The following MAP3K1 variants were observed in gnomAD, a reference collection of about 807,000 sequenced individuals.
MAP3K1 encodes mitogen-activated protein kinase kinase kinase 1.
In MAP3K1, 36 loss-of-function variants were observed where a neutral mutation model predicts 144.2. That is an observed-to-expected ratio of 0.25 (90% confidence interval 0.19 to 0.33). The LOEUF is 0.33. Ranked by LOEUF, MAP3K1 falls within the 10% of genes least tolerant of loss-of-function variation. The pLI, the probability that MAP3K1 is intolerant of heterozygous loss-of-function variation, is 1.00. For synonymous variants in MAP3K1, 718 were observed against 688.7 expected, an observed-to-expected ratio of 1.04 and a Z score of -0.67; for missense variants, 1,650 against 1,881.9, an observed-to-expected ratio of 0.88 and a Z score of 2.28.
At chr5:56,872,802 A>T in intron 8 of MAP3K1, 23 bp from the exon 9 acceptor site, 2 of 1,613,710 alleles carry the variant, frequency 1.2e-6, no homozygotes, top group Non-Finnish European at 1.7e-6. Context: ...TTTTAAAGCA[A>T]GTTTTGTTAT....
At chr5:56,835,169 TAGAA>T (rs1012600995) in intron 1 of MAP3K1, among the ~76,000 whole-genome samples, 17 of 152,070 alleles carry the variant, frequency 1.1e-4, no homozygotes, top group African/African-American at 4.1e-4. Context: ...ATCCATACCT[TAGAA>T]AGGGTAGCAG....
At chr5:56,847,581 G>GTTC (rs1472671819) in intron 1 of MAP3K1, among the ~76,000 whole-genome samples, 14 of 152,230 alleles carry the variant, frequency 9.2e-5, no homozygotes, top group African/African-American at 3.4e-4. Flanking sequence ...GGGTGACAGA[G>GTTC]TAACACTGGA....
At chr5:56,853,376 TTAAA>T (rs149767379) in intron 1 of MAP3K1, among the ~76,000 whole-genome samples, 2,182 of 152,262 alleles carry the variant, frequency 0.014, 19 homozygotes, top group Non-Finnish European at 0.024. Context: ...TTAGTCTTAA[TTAAA>T]TACAGAATTA....
At chr5:56,848,416 T>A (rs1747064465) in intron 1 of MAP3K1, among the ~76,000 whole-genome samples, 1 of 152,178 alleles carries the variant, frequency 6.6e-6, no homozygotes, top group Admixed American at 6.5e-5. Flanking sequence ...CTTTGTTGAT[T>A]AGAAGTGATA....
At chr5:56,870,520 G>A (rs879944084) in intron 6 of MAP3K1, among the ~76,000 whole-genome samples, 2 of 152,106 alleles carry the variant, frequency 1.3e-5, no homozygotes, top group Non-Finnish European at 2.9e-5. Flanking sequence ...ATAAATCAAG[G>A]AATGAAACTC....
chr5:56,851,932 G>A (rs1294784648), intron 1 of MAP3K1: 1 of 152,196 alleles, frequency 6.6e-6, no homozygotes, highest in African/African-American at 2.4e-5. Flanking sequence ...AATGTGGAGA[G>A]GGAAGCAGAT....
At position 56,881,828 on chromosome 5, in the gene MAP3K1, T is replaced by C. The variant is rs1362519629; in HGVS notation, c.2628T>C (p.Thr876=). 1 of 1,614,112 alleles carries C rather than the reference T, an allele frequency of 6.2e-7. No homozygotes were observed. The highest frequency in any genetic ancestry group is 2.2e-5 in the East Asian group (1 of 44,870). The change falls in exon 14 of 20, where the codon ACT becomes ACC. Residue 876 remains threonine (T), a synonymous_variant. Coordinates refer to ENST00000399503, the MANE Select transcript of MAP3K1 (RefSeq NM_005921.2). ...CCATCCAGTTGGGCGTAGAAGACAC[T>C]TTGGATGGTCAACAGGACAGCTTCT... is the stretch of plus-strand genomic sequence containing the variant. ...AEAIQLGVED[T]LDGQQDSFLQ...
intron 6 of MAP3K1, among the ~76,000 whole-genome samples, chr5:56,868,244 G>C (rs1431690936): frequency 2.6e-5 from 4 of 152,038 alleles, no homozygotes; most frequent in African/African-American, 9.7e-5. Flanking sequence ...TACACAAGTA[G>C]TCCACAGGCT....
At chr5:56,825,946 G>T (rs537048413) in intron 1 of MAP3K1, among the ~76,000 whole-genome samples, 22 of 151,416 alleles carry the variant, frequency 1.5e-4, no homozygotes, top group African/African-American at 4.8e-4. Flanking sequence ...CTCAGTTTTA[G>T]TCCCTCAACT....
At chr5:56,871,171 A>T (rs1291809785) in intron 6 of MAP3K1, among the ~76,000 whole-genome samples, 1 of 152,156 alleles carries the variant, frequency 6.6e-6, no homozygotes, top group Non-Finnish European at 1.5e-5. Context: ...ATCATCCTAT[A>T]CATGGTAGTT....
chr5:56,875,916 T>C (rs1360609263), intron 10 of MAP3K1, among the ~76,000 whole-genome samples: 1 of 152,226 alleles, frequency 6.6e-6, no homozygotes, highest in Non-Finnish European at 1.5e-5. Flanking sequence ...AGATATGTTT[T>C]TAATAAACAT....
intron 1 of MAP3K1, among the ~76,000 whole-genome samples, chr5:56,825,360 G>A (rs1746280174): frequency 6.6e-6 from 1 of 152,126 alleles, no homozygotes; most frequent in Non-Finnish European, 1.5e-5. Context: ...TACAAAGATT[G>A]AAGGAAAGCT....
At chr5:56,881,528 G>A (rs1440682294) in intron 13 of MAP3K1, 42 bp from the exon 14 acceptor site, 1 of 1,459,382 alleles carries the variant, frequency 6.9e-7, no homozygotes, top group South Asian at 1.1e-5. Context: ...GTATTTTTCA[G>A]TAATTGGAAC....
At chr5:56,828,510 A>G (rs916526378) in intron 1 of MAP3K1, among the ~76,000 whole-genome samples, 1 of 152,246 alleles carries the variant, frequency 6.6e-6, no homozygotes, top group Non-Finnish European at 1.5e-5. Context: ...AACTATAAAG[A>G]GAAATGCAAA....
rs552167117 is a variant in MAP3K1 at position 56,824,944 on chromosome 5, T to A, written c.482+8889T>A. ...CTTTTCCGGTTTTTTAAAAAAAATT[T>A]TTATTTTTTTTTTTGAGACGGAGTC... On this transcript the variant is annotated intron_variant, in intron 1 of 19. Transcript: ENST00000399503. Among the ~76,000 whole-genome samples, 194 of 142,166 alleles carry A rather than the reference T, an allele frequency of 1.4e-3. 1 individual carries two copies. Among genetic ancestry groups the A allele is most frequent in the African/African-American group, 4.1e-3 (161 of 39,460 alleles). 93.3% of individuals were successfully genotyped at this position (142,166 alleles called of 152,430 possible).
At chr5:56,844,196 T>TTG (rs1746910962) in intron 1 of MAP3K1, among the ~76,000 whole-genome samples, 1 of 137,792 alleles carries the variant, frequency 7.3e-6, no homozygotes, top group Non-Finnish European at 1.6e-5. Context: ...TTTTTTTTTT[T>TTG]TTTTTTTTTT....
chr5:56,871,523 C>A (rs1747851960), intron 6 of MAP3K1, among the ~76,000 whole-genome samples: 1 of 152,106 alleles, frequency 6.6e-6, no homozygotes, highest in South Asian at 2.1e-4. Context: ...AATCTTTGAG[C>A]TCTAAGGTCC....
intron 1 of MAP3K1, among the ~76,000 whole-genome samples, chr5:56,855,147 G>A (rs1747300952): frequency 8.2e-6 from 1 of 122,432 alleles, no homozygotes; most frequent in East Asian, 4.5e-4. Context: ...TTTCTTCTCT[G>A]CCTTCTTCCC....
chr5:56,840,349 T>C (rs764515129), intron 1 of MAP3K1, among the ~76,000 whole-genome samples: 4 of 152,256 alleles, frequency 2.6e-5, no homozygotes, highest in African/African-American at 9.6e-5. Context: ...GGTTTCACCA[T>C]GTTGGCCAGG....
Sources: gnomAD v4.1 joint callset for allele counts (sites outside exome capture counted in the v4.1 genomes callset) on GRCh38, gnomAD v4.1.1 for gene constraint, MANE v1.5 for transcripts, NCBI Gene and HGNC (gene_info 2026-07-23, HGNC 2026-07-21) for gene names.